TMEM200A: variants seen among roughly 807,000 people sequenced by gnomAD.
TMEM200A encodes two transmembrane C.
A neutral mutation model predicts 24.3 loss-of-function variants in TMEM200A; 12 were observed. The ratio of observed to expected loss-of-function variants is 0.49; its 90% confidence interval spans 0.32 to 0.80. The LOEUF (loss-of-function observed/expected upper bound fraction) is 0.80. TMEM200A is among the 30% of genes least tolerant of loss of function. The probability of loss-of-function intolerance (pLI) is 0.04; values close to 1 mark genes in which losing one functional copy is unlikely to be tolerated. For synonymous variants in TMEM200A, 224 were observed against 224.4 expected, an observed-to-expected ratio of 1.00 and a Z score of 0.02; for missense variants, 545 against 614.4, an observed-to-expected ratio of 0.89 and a Z score of 1.19.
At chr6:130,367,782 GA>G (rs1338295081) in intron 1 of TMEM200A, among the ~76,000 whole-genome samples, 1 of 152,142 alleles carries the variant, frequency 6.6e-6, no homozygotes, top group Admixed American at 6.6e-5. Flanking sequence ...TTAACAGTAT[GA>G]TTTTTTTACT....
At chr6:130,390,500 G>C (rs1041621261) in intron 2 of TMEM200A, among the ~76,000 whole-genome samples, 1 of 152,212 alleles carries the variant, frequency 6.6e-6, no homozygotes, top group African/African-American at 2.4e-5. Flanking sequence ...CTGCCTACTT[G>C]ATAGGACTGC....
At chr6:130,402,893 G>A (rs1038029102) in intron 2 of TMEM200A, among the ~76,000 whole-genome samples, 2 of 152,056 alleles carry the variant, frequency 1.3e-5, no homozygotes, top group African/African-American at 4.8e-5. Flanking sequence ...TTGTAAAAAT[G>A]TAGCCTCTTT....
rs10080890 is a variant in TMEM200A at position 130,378,119 on chromosome 6, A to G, written c.-80-7054A>G. ...TGTGATTAGAACAAAGCAGGGGCTC[A>G]CAGAGGGTGTTGGCGTCACAAGGAA... On this transcript the variant is annotated intron_variant, in intron 1 of 2. Coordinates refer to ENST00000296978, the MANE Select transcript of TMEM200A (RefSeq NM_001258277.2). 5.7e-3 allele frequency among the ~76,000 whole-genome samples: 874 copies of G among 152,274 alleles called. 5 individuals carry two copies. Among genetic ancestry groups the G allele is most frequent in the African/African-American group, 0.02 (826 of 41,554 alleles).
In TMEM200A at chr6:130,366,334, G is replaced by A; in HGVS notation, c.-271G>A. On this transcript the variant is annotated 5_prime_UTR_variant, in exon 1 of 3. Transcript: ENST00000296978. The surrounding 1 kb of genome is among the most constrained non-coding windows in gnomAD (Gnocchi z 4.4). ...CCTGACTCATCCGCCCGCGGTGGCC[G>A]CCCGAGCCCTGGGATGGGGAGGGAG... 1.0e-6 allele frequency: 1 copy of A among 977,500 alleles called. No homozygotes were observed. Among genetic ancestry groups the A allele is most frequent in the Non-Finnish European group, 1.2e-6 (1 of 828,350 alleles). 60.6% of individuals were successfully genotyped at this position (977,500 alleles called of 1,614,324 possible).
At chr6:130,408,804 G>A (rs1352761946) in intron 2 of TMEM200A, among the ~76,000 whole-genome samples, 1 of 152,112 alleles carries the variant, frequency 6.6e-6, no homozygotes, top group Non-Finnish European at 1.5e-5. Flanking sequence ...TTCTAGTTTG[G>A]TTGTTTCTGC....
At chr6:130,376,878 A>G (rs1778467987) in intron 1 of TMEM200A, among the ~76,000 whole-genome samples, 1 of 152,154 alleles carries the variant, frequency 6.6e-6, no homozygotes, top group Admixed American at 6.6e-5. Context: ...GAAATTCCTT[A>G]TTTATTTTGT....
chr6:130,382,037 T>C, intron 1 of TMEM200A: 1 of 891,876 alleles, frequency 1.1e-6, no homozygotes, highest in Non-Finnish European at 1.3e-6. Context: ...TCTGGGCTAC[T>C]TATGATTCAG....
chr6:130,395,923 C>A (rs553534848), intron 2 of TMEM200A, among the ~76,000 whole-genome samples: 1 of 152,126 alleles, frequency 6.6e-6, no homozygotes, highest in Non-Finnish European at 1.5e-5. Context: ...GGTCATAGTG[C>A]CTTTAGTGGC....
In TMEM200A at chr6:130,426,462, C is replaced by CA. The variant is rs1041429936; in HGVS notation, c.-16-13945_-16-13944insA. 1.9e-4 allele frequency among the ~76,000 whole-genome samples: 22 copies of CA among 116,696 alleles called. No individual in the cohort carries two copies. The East Asian group carries it at 2.1e-3, about 11-fold the overall frequency. The allele number at this position is 116,696 out of a possible 152,430, so 76.6% of individuals were successfully genotyped here. On this transcript the variant is annotated intron_variant, in intron 2 of 2. Coordinates refer to ENST00000296978, the MANE Select transcript of TMEM200A (RefSeq NM_001258277.2). Reference sequence around the variant, plus strand: ...TAAGGAGAAGAATCCTTTCTGCAGCCCCCCCCCCCTCAGTTTCCCTTCATC... The same window carrying CA: ...TAAGGAGAAGAATCCTTTCTGCAGCCACCCCCCCCCTCAGTTTCCCTTCATC...
At chr6:130,365,904 T>A, upstream of TMEM200A, 1 of 985,688 alleles carries the variant, frequency 1.0e-6, no homozygotes, top group Non-Finnish European at 1.2e-6. Context: ...GCGGCGAGAT[T>A]GGCACGGTCC....
chr6:130,378,157 A>C lies in TMEM200A; in HGVS notation c.-80-7016A>C, dbSNP rs77776799. ...GCGTCACAAGGAAACTTTGGACTTTACTCTGAGTTGTATGGGAAGTATCTG... is the reference window on the plus strand; with the variant it reads ...GCGTCACAAGGAAACTTTGGACTTTCCTCTGAGTTGTATGGGAAGTATCTG... On this transcript the variant is annotated intron_variant, in intron 1 of 2. Coordinates refer to ENST00000296978, the MANE Select transcript of TMEM200A (RefSeq NM_001258277.2). 4.1e-3 allele frequency among the ~76,000 whole-genome samples: 627 copies of C among 152,164 alleles called. 7 individuals carry two copies. The highest frequency in any genetic ancestry group is 0.014 in the African/African-American group (583 of 41,504).
chr6:130,435,311 T>G (rs1779975344), intron 2 of TMEM200A, among the ~76,000 whole-genome samples: 1 of 152,160 alleles, frequency 6.6e-6, no homozygotes, highest in South Asian at 2.1e-4. Context: ...ACTTGGCCTT[T>G]GACAAAATCA....
chr6:130,369,513 A>C (rs79383462), intron 1 of TMEM200A, among the ~76,000 whole-genome samples: 4,805 of 152,258 alleles, frequency 0.032, 255 homozygotes, highest in African/African-American at 0.11. Flanking sequence ...AATGCCTTGA[A>C]TTCTGATTAT....
intron 2 of TMEM200A, among the ~76,000 whole-genome samples, chr6:130,433,366 G>C (rs908277744): frequency 1.3e-5 from 2 of 152,114 alleles, no homozygotes; most frequent in Admixed American, 1.3e-4. Context: ...TTGAACTCCT[G>C]ACCTCAGGTG....
intron 2 of TMEM200A, among the ~76,000 whole-genome samples, chr6:130,419,283 G>T (rs1562566116): frequency 6.6e-6 from 1 of 152,180 alleles, no homozygotes; most frequent in African/African-American, 2.4e-5. Flanking sequence ...GTATTCCATT[G>T]TGTGTATATA....
chr6:130,366,263 G>A lies in TMEM200A; in HGVS notation c.-342G>A, dbSNP rs920434713. The A allele has an allele frequency of 2.6e-5, 26 of 985,108 alleles. No homozygotes were observed. The highest frequency in any genetic ancestry group is 5.2e-4 in the Middle Eastern group (1 of 1,934). 61.0% of individuals were successfully genotyped at this position (985,108 alleles called of 1,614,324 possible). Reference sequence around the variant, plus strand: ...GCCCCCCCGGCGCGGGCATAGGGGCGCCCCCACCCTCCGTCCGCTTGCACC... The same window carrying A: ...GCCCCCCCGGCGCGGGCATAGGGGCACCCCCACCCTCCGTCCGCTTGCACC... On this transcript the variant is annotated 5_prime_UTR_variant, in exon 1 of 3. Coordinates refer to ENST00000296978, the MANE Select transcript of TMEM200A (RefSeq NM_001258277.2). This position sits in a 1 kb window ranked among gnomAD's most constrained non-coding sequence, Gnocchi z 4.4.
chr6:130,391,041 C>T (rs767135349), intron 2 of TMEM200A, among the ~76,000 whole-genome samples: 7 of 152,138 alleles, frequency 4.6e-5, no homozygotes, highest in Non-Finnish European at 1.0e-4. Context: ...GACAAAAATG[C>T]CTCGGAATGA....
chr6:130,366,448 C>A lies in TMEM200A; in HGVS notation c.-157C>A. On this transcript the variant is annotated 5_prime_UTR_variant, in exon 1 of 3. Coordinates refer to ENST00000296978, the MANE Select transcript of TMEM200A (RefSeq NM_001258277.2). This position sits in a 1 kb window ranked among gnomAD's most constrained non-coding sequence, Gnocchi z 4.4. ...CCGCCTCCAGAGGCGCCCGACGTCC[C>A]GACAGCTCCTGGAGTGAGACCAGGA... is the stretch of plus-strand genomic sequence containing the variant. 1 of 985,610 alleles carries A rather than the reference C, an allele frequency of 1.0e-6. No individual in the cohort carries two copies. Among genetic ancestry groups the A allele is most frequent in the Non-Finnish European group, 1.2e-6 (1 of 830,084 alleles). The allele number at this position is 985,610 out of a possible 1,614,324, so 61.1% of individuals were successfully genotyped here. A position where few individuals can be genotyped will look rare whatever the true frequency, so the allele number is the denominator to read the frequency against.
rs138070109 is a variant in TMEM200A, at chr6:130,441,573, C to T, written c.1151C>T (p.Ser384Phe). 3.7e-6 allele frequency: 6 copies of T among 1,614,030 alleles called. No individual in the cohort carries two copies. The Admixed American group carries it at 8.3e-5, about 22-fold the overall frequency. Residue 384 changes from serine to phenylalanine, a missense_variant, in exon 3 of 3, where the codon TCC becomes TTC. Ser to Phe is a radical substitution (Grantham distance 155). Coordinates refer to ENST00000296978, the MANE Select transcript of TMEM200A (RefSeq NM_001258277.2). ...SPGAARRQFG[S>F]NTSLHLLSSH... ...GGGGCTGCCAGAAGACAGTTTGGGT[C>T]CAATACATCCTTGCATTTGCTCTCG...
Sources: gnomAD v4.1 joint callset for allele counts (sites outside exome capture counted in the v4.1 genomes callset) on GRCh38, gnomAD v4.1.1 for gene constraint, Gnocchi (gnomAD v3.1) non-coding constraint, MANE v1.5 for transcripts, NCBI Gene and HGNC (gene_info 2026-07-23, HGNC 2026-07-21) for gene names.